Variants in DNAI4 observed in about 807,000 individuals in gnomAD.
The protein encoded by DNAI4 is dynein axonemal intermediate chain 4, also known as WD repeat domain 78.
A neutral mutation model predicts 105.8 loss-of-function variants in DNAI4; 85 were observed. The ratio of observed to expected loss-of-function variants is 0.80; its 90% CI spans 0.67 to 0.96. The LOEUF (loss-of-function observed/expected upper bound fraction) is 0.96. DNAI4 is among the 40% of genes least tolerant of loss of function. The pLI, the probability that DNAI4 is intolerant of heterozygous loss-of-function variation, is 0.00. For synonymous variants in DNAI4, 352 were observed against 331.5 expected (o/e 1.06, Z -0.67); for missense variants, 1,014 against 1,005.6 (o/e 1.01, Z -0.11).
In DNAI4 at chr1:66,825,335, G is replaced by A. The variant is rs560280701; in HGVS notation, c.2339+1485C>T. 7.7e-3 allele frequency among the ~76,000 whole-genome samples: 1,167 copies of A among 151,086 alleles called. 24 individuals carry two copies. The highest frequency in any genetic ancestry group is 0.027 in the African/African-American group (1,111 of 41,250). On this transcript the variant is annotated intron_variant, in intron 15 of 16. Transcript: ENST00000371026. ...GCTGGGACTACAGGCGCCCGCCACC[G>A]CGCCCGGCTAATTTTTTTTGTATTT... is the stretch of plus-strand genomic sequence containing the variant.
intron 6 of DNAI4, among the ~76,000 whole-genome samples, chr1:66,868,581 C>T (rs1230725924): frequency 6.6e-6 from 1 of 152,110 alleles, no homozygotes; most frequent in Admixed American, 6.6e-5. Flanking sequence ...CAATCCCCTG[C>T]CCTCAGTGCT....
chr1:66,923,146 T>C (rs1054100996), intron 1 of DNAI4, among the ~76,000 whole-genome samples: 13 of 152,216 alleles, frequency 8.5e-5, no homozygotes, highest in East Asian at 5.8e-4. Flanking sequence ...TGTGTTACAA[T>C]TGCCTACAGT....
intron 2 of DNAI4, among the ~76,000 whole-genome samples, chr1:66,897,432 G>A (rs766805863): frequency 7.9e-5 from 12 of 152,162 alleles, no homozygotes; most frequent in Non-Finnish European, 1.0e-4. Context: ...ATGAACCAAG[G>A]GTGTGGCCCA....
intron 4 of DNAI4, among the ~76,000 whole-genome samples, chr1:66,877,564 T>C (rs1313670404): frequency 6.6e-6 from 1 of 152,214 alleles, no homozygotes; most frequent in African/African-American, 2.4e-5. Context: ...CAGTTTTCCC[T>C]ATTGTTAATA....
intron 1 of DNAI4, chr1:66,921,153 G>A (rs1650451746): frequency 6.6e-6 from 1 of 152,150 alleles, no homozygotes; most frequent in Non-Finnish European, 1.5e-5. Context: ...TCAAGAACAG[G>A]TGAGTAATGT....
At chr1:66,843,849 C>T (rs766953893) in intron 8 of DNAI4, among the ~76,000 whole-genome samples, 7 of 151,952 alleles carry the variant, frequency 4.6e-5, no homozygotes, top group Non-Finnish European at 1.0e-4. Context: ...CTATTCTGTT[C>T]TATTCTATAT....
chr1:66,854,851 T>A (rs1646467903), intron 7 of DNAI4, among the ~76,000 whole-genome samples: 1 of 152,110 alleles, frequency 6.6e-6, no homozygotes, highest in South Asian at 2.1e-4. Context: ...TTCAAAGATC[T>A]AAATAAATGA....
At chr1:66,859,000 T>C (rs1185270606) in intron 7 of DNAI4, among the ~76,000 whole-genome samples, 1 of 152,130 alleles carries the variant, frequency 6.6e-6, no homozygotes, top group African/African-American at 2.4e-5. Context: ...AATTAGACTT[T>C]ATTTAAATTA....
chr1:66,871,415 T>C lies in DNAI4; in HGVS notation c.895A>G (p.Lys299Glu), dbSNP rs1168355605. 2 of 1,612,136 alleles carry C rather than the reference T, an allele frequency of 1.2e-6. No homozygotes were observed. The highest frequency in any genetic ancestry group is 1.7e-6 in the Non-Finnish European group (2 of 1,178,982). ...TTATCACATTGAACATCTTTATTCT[T>C]TGGTGCTCCATTGAAAGTCTGCATC... ...RMMQTFNGAPKNKDVQCDKII... is the reference protein window; with the variant it reads ...RMMQTFNGAPENKDVQCDKII... Residue 299 changes from lysine (K) to glutamate (E), a missense_variant, in exon 6 of 17, where the codon AAG (lysine) becomes GAG (glutamate). Physicochemically the swap from Lys to Glu is moderately conservative, Grantham distance 56 (BLOSUM62 1). Transcript: ENST00000371026.
intron 1 of DNAI4, 101 bp downstream of exon 1, chr1:66,924,561 G>A (rs781041867): frequency 1.6e-5 from 24 of 1,525,186 alleles, no homozygotes; most frequent in Non-Finnish European, 2.2e-5. Flanking sequence ...AACCCAGTTA[G>A]GGTAGGGCCC....
At chr1:66,833,470 A>G (rs895069847) in intron 13 of DNAI4, 115 bp downstream of exon 13, 3 of 1,212,162 alleles carry the variant, frequency 2.5e-6, no homozygotes, top group Non-Finnish European at 3.4e-6. Context: ...TGTCTCTAAT[A>G]TATTAGGCAC....
chr1:66,818,774 G>A (rs1179216974), intron 16 of DNAI4, among the ~76,000 whole-genome samples: 4 of 152,240 alleles, frequency 2.6e-5, no homozygotes, highest in East Asian at 1.9e-4. Context: ...TTAGCCAGGC[G>A]TGGTGGTGGG....
chr1:66,823,042 A>G (rs377610879), intron 15 of DNAI4, among the ~76,000 whole-genome samples: 22 of 151,882 alleles, frequency 1.4e-4, no homozygotes, highest in East Asian at 1.2e-3. Context: ...GTATCTCCCA[A>G]TGCTATCCCT....
Position 66,836,197 on chromosome 1 carries a change from A to AG in DNAI4, c.1582-421_1582-420insC, listed in dbSNP as rs1491489819. Among the ~76,000 whole-genome samples, 29 of 55,320 alleles carry AG rather than the reference A, an allele frequency of 5.2e-4. 1 individual carries two copies. The highest frequency in any genetic ancestry group is 9.5e-4 in the Non-Finnish European group (21 of 22,162). 36.3% of individuals were successfully genotyped at this position (55,320 alleles called of 152,430 possible). On this transcript the variant is annotated intron_variant, in intron 10 of 16. Transcript: ENST00000371026. The stretch of plus-strand genomic sequence containing the variant: ...GAAAGAAAGAAAGAAAGAAAGAAAG[A>AG]AAGAAAGAAAGAGAGAGAGAGAGAG...
In DNAI4 at chr1:66,837,753, T is replaced by G. The variant is rs1348130146; in HGVS notation, c.1538A>C (p.Gln513Pro). The G allele has an allele frequency of 6.2e-7, 1 of 1,610,082 alleles. No individual in the cohort carries two copies. The highest frequency in any genetic ancestry group is 2.2e-5 in the East Asian group (1 of 44,624). Residue 513 changes from glutamine to proline, a missense_variant, in exon 10 of 17, where the codon CAA becomes CCA. Coordinates refer to ENST00000371026, the MANE Select transcript of DNAI4 (RefSeq NM_024763.5). ...VGYGHFGFKE[Q>P]KRGLACCWSI... is the part of the protein sequence containing the mutation. ...CCAGCAGCAAGCCAGTCCTCTTTTTTGCTCTTTAAATCCAAAGTGCCCATA... is the reference window on the plus strand; with the variant it reads ...CCAGCAGCAAGCCAGTCCTCTTTTTGGCTCTTTAAATCCAAAGTGCCCATA...
chr1:66,814,390 GAC>G (rs1336765129), intron 16 of DNAI4, among the ~76,000 whole-genome samples: 1 of 151,110 alleles, frequency 6.6e-6, no homozygotes, highest in East Asian at 1.9e-4. Context: ...TTTTTTTTGA[GAC>G]AGAGTCTTGC....
intron 13 of DNAI4, chr1:66,828,608 C>T (rs544071027): frequency 2.9e-4 from 44 of 152,114 alleles, no homozygotes; most frequent in African/African-American, 8.4e-4. Flanking sequence ...AGTAATAATA[C>T]GTCTTGTTAT....
intron 16 of DNAI4, among the ~76,000 whole-genome samples, chr1:66,818,273 T>G (rs1367334207): frequency 2.0e-5 from 3 of 152,030 alleles, no homozygotes; most frequent in Non-Finnish European, 2.9e-5. Flanking sequence ...AATATAGTAT[T>G]CATCACATTT....
At chr1:66,871,688 T>C (rs1427245136) in intron 5 of DNAI4, among the ~76,000 whole-genome samples, 179 bp from the exon 6 acceptor site, 1 of 152,218 alleles carries the variant, frequency 6.6e-6, no homozygotes, top group African/African-American at 2.4e-5. Context: ...CAGAGGACTC[T>C]TTTATACTGT....
Sources: allele counts gnomAD v4.1 joint callset (sites outside exome capture counted in the v4.1 genomes callset), GRCh38; gene constraint gnomAD v4.1.1; transcripts MANE v1.5; gene names NCBI Gene and HGNC (gene_info 2026-07-23, HGNC 2026-07-21).